Variants in INSC observed in about 807,000 individuals in gnomAD.
The protein encoded by INSC is INSC spindle orientation adaptor protein, also known as protein inscuteable homolog.
A neutral mutation model predicts 58.6 loss-of-function variants in INSC; 67 were observed. The ratio of observed to expected loss-of-function variants is 1.14; its 90% CI spans 0.94 to 1.40. INSC has a LOEUF of 1.40. Ranked by LOEUF, INSC falls within the 40% of genes most tolerant of loss-of-function variation. The pLI, the probability that INSC is intolerant of heterozygous loss-of-function variation, is 0.00. For synonymous variants in INSC, 262 were observed against 276.1 expected (o/e 0.95, Z 0.51); for missense variants, 714 against 692.0 (o/e 1.03, Z -0.36).
At chr11:15,115,410 G>T (rs1847668074) in intron 1 of INSC, among the ~76,000 whole-genome samples, 1 of 152,164 alleles carries the variant, frequency 6.6e-6, no homozygotes, top group African/African-American at 2.4e-5. Context: ...AACCCAGGAA[G>T]GCAGAAATTG....
intron 2 of INSC, among the ~76,000 whole-genome samples, chr11:15,172,899 C>G (rs1052021202): frequency 6.6e-6 from 1 of 151,954 alleles, no homozygotes; most frequent in African/African-American, 2.4e-5. Flanking sequence ...ATCCAGGGAA[C>G]GGTGGTATGG....
Position 15,246,986 on chromosome 11 carries a change from A to C in INSC, c.*946A>C, listed in dbSNP as rs1317475327. On this transcript the variant is annotated 3_prime_UTR_variant, in exon 13 of 13. Coordinates refer to ENST00000379556, the MANE Select transcript of INSC (RefSeq NM_001042536.3). ...GAAATTGGCCATAGTGGGAGTATTT[A>C]CACCACAGAAATTCACAGATGCTAT... 1.3e-5 allele frequency: 2 copies of C among 151,198 alleles called. No individual in the cohort carries two copies. The highest frequency in any genetic ancestry group is 2.9e-5 in the Non-Finnish European group (2 of 67,948). The allele number at this position is 151,198 out of a possible 1,614,324, so 9.4% of individuals were successfully genotyped here. A position where few individuals can be genotyped will look rare whatever the true frequency, so the allele number is the denominator to read the frequency against.
intron 6 of INSC, among the ~76,000 whole-genome samples, chr11:15,195,340 A>G (rs1540149): frequency 0.82 from 124,937 of 152,120 alleles, 51,635 homozygotes; most frequent in East Asian, 0.99. Flanking sequence ...CACATGCTGG[A>G]TTTGGGCTCT....
chr11:15,152,605 C>A (rs1172975898), intron 2 of INSC, among the ~76,000 whole-genome samples: 1 of 152,202 alleles, frequency 6.6e-6, no homozygotes, highest in Admixed American at 6.5e-5. Context: ...GAGGAACTCT[C>A]CAGCCTCTTC....
the INSC span, among the ~76,000 whole-genome samples, chr11:15,260,724 T>C: frequency 6.6e-6 from 1 of 152,180 alleles, no homozygotes; most frequent in South Asian, 2.1e-4. Flanking sequence ...AATGGAAGAA[T>C]AGGAAACTTT....
chr11:15,244,911 G>A (rs886367799), intron 12 of INSC, among the ~76,000 whole-genome samples: 7 of 152,166 alleles, frequency 4.6e-5, no homozygotes, highest in Non-Finnish European at 1.5e-5. Flanking sequence ...CAGTTAACTG[G>A]TAAACAGGTC....
At chr11:15,243,510 G>T (rs1292283624) in intron 12 of INSC, among the ~76,000 whole-genome samples, 1 of 152,180 alleles carries the variant, frequency 6.6e-6, no homozygotes, top group Non-Finnish European at 1.5e-5. Flanking sequence ...TCCCAGAGAA[G>T]CAGAGGCTGA....
At chr11:15,265,372 T>C in the INSC span, among the ~76,000 whole-genome samples, 1 of 152,046 alleles carries the variant, frequency 6.6e-6, no homozygotes, top group African/African-American at 2.4e-5. Flanking sequence ...TCTGGAATAA[T>C]TTGTAAGATA....
chr11:15,211,308 A>C (rs1033056322), intron 7 of INSC, among the ~76,000 whole-genome samples: 2 of 152,214 alleles, frequency 1.3e-5, no homozygotes, highest in African/African-American at 4.8e-5. Context: ...GGTTTTGAAC[A>C]CTTGTTCACA....
chr11:15,134,444 G>GA (rs1388835747), intron 1 of INSC, among the ~76,000 whole-genome samples: 4 of 152,204 alleles, frequency 2.6e-5, no homozygotes, highest in Non-Finnish European at 5.9e-5. Flanking sequence ...TTGAGAAACA[G>GA]AATCTTAGTC....
intron 7 of INSC, among the ~76,000 whole-genome samples, chr11:15,215,721 T>C (rs1450021725): frequency 1.3e-5 from 2 of 152,134 alleles, no homozygotes; most frequent in Admixed American, 6.6e-5. Flanking sequence ...CAAATCTGCT[T>C]GGGGAATGTG....
chr11:15,214,731 C>T (rs1851149929), intron 7 of INSC, among the ~76,000 whole-genome samples: 1 of 152,170 alleles, frequency 6.6e-6, no homozygotes, highest in African/African-American at 2.4e-5. Context: ...GAGCTGGGAC[C>T]TTTAAGAAGT....
At position 15,145,231 on chromosome 11, in the gene INSC, T is replaced by C. The variant is rs529633598; in HGVS notation, c.-45-3899T>C. 2.3e-3 allele frequency among the ~76,000 whole-genome samples: 352 copies of C among 152,334 alleles called. 1 individual carries two copies. The highest frequency in any genetic ancestry group is 4.3e-3 in the Non-Finnish European group (294 of 68,038). ...TAATCCTCATGATGCTCCTGGGAAG[T>C]AGGTATAATTGAGGAAACCACATTT... is the stretch of plus-strand genomic sequence containing the variant. On this transcript the variant is annotated intron_variant, in intron 1 of 12. Transcript: ENST00000379556.
At position 15,147,467 on chromosome 11, in the gene INSC, G is replaced by A. The variant is rs898519262; in HGVS notation, c.-45-1663G>A. On this transcript the variant is annotated intron_variant, in intron 1 of 12. Coordinates refer to ENST00000379556, the MANE Select transcript of INSC (RefSeq NM_001042536.3). ...AGCTAACTATTTATTTAGCTCTTAC[G>A]TTGGCCATATTCTTCCACGTTCCTA... Among the ~76,000 whole-genome samples the A allele has an allele frequency of 1.6e-4, 25 of 152,144 alleles. 1 individual carries two copies. Among genetic ancestry groups the A allele is most frequent in the Non-Finnish European group, 2.8e-4 (19 of 68,048 alleles).
At position 15,221,623 on chromosome 11, in the gene INSC, G is replaced by C. The variant is rs1444737842; in HGVS notation, c.966G>C (p.Met322Ile). The C allele has an allele frequency of 6.2e-7, 1 of 1,613,294 alleles. No homozygotes were observed. Among genetic ancestry groups the C allele is most frequent in the Non-Finnish European group, 8.5e-7 (1 of 1,179,640 alleles). The change falls in exon 8 of 13, where the codon ATG (methionine) becomes ATC (isoleucine). Residue 322 changes from methionine to isoleucine, a missense_variant. Coordinates refer to ENST00000379556, the MANE Select transcript of INSC (RefSeq NM_001042536.3). ...ACCTCAGTAGCTTCCTGGAGAGCATGGAGGAGATCGTGACAGCCCTCGTCA... is the reference window on the plus strand; with the variant it reads ...ACCTCAGTAGCTTCCTGGAGAGCATCGAGGAGATCGTGACAGCCCTCGTCA... ...TQHLSSFLES[M>I]EEIVTALVKL...
chr11:15,235,805 C>T, intron 10 of INSC, 137 bp downstream of exon 10: 1 of 798,518 alleles, frequency 1.3e-6, no homozygotes, highest in South Asian at 1.4e-5. Context: ...CCTGTAATCC[C>T]AGCACTTTGG....
chr11:15,264,325 GC>G, the INSC span, among the ~76,000 whole-genome samples: 1 of 149,394 alleles, frequency 6.7e-6, no homozygotes, highest in East Asian at 2.0e-4. Flanking sequence ...GGCGGCTGCT[GC>G]GTATCTCTGA....
At chr11:15,186,114 C>G (rs1182343466) in intron 5 of INSC, among the ~76,000 whole-genome samples, 1 of 152,172 alleles carries the variant, frequency 6.6e-6, no homozygotes, top group African/African-American at 2.4e-5. Flanking sequence ...CAGCAGATAC[C>G]TGAACTGAGG....
At chr11:15,115,678 A>G (rs1273338078) in intron 1 of INSC, among the ~76,000 whole-genome samples, 1 of 152,168 alleles carries the variant, frequency 6.6e-6, no homozygotes, top group East Asian at 1.9e-4. Context: ...TGAGTGGACC[A>G]TATGGCCATG....
Sources: allele counts gnomAD v4.1 joint callset (sites outside exome capture counted in the v4.1 genomes callset), GRCh38; gene constraint gnomAD v4.1.1; transcripts MANE v1.5; gene names NCBI Gene and HGNC (gene_info 2026-07-23, HGNC 2026-07-21).